RAB22A: variants seen among roughly 807,000 people sequenced by gnomAD.
The protein encoded by RAB22A is RAB22A, member RAS oncogene family.
A neutral mutation model predicts 30.2 loss-of-function variants in RAB22A; 13 were observed. That is an observed-to-expected ratio of 0.43 (90% CI 0.28 to 0.68). The LOEUF (loss-of-function observed/expected upper bound fraction) is 0.68, where lower values mean the gene tolerates loss of function less well. RAB22A is among the 30% of genes least tolerant of loss of function. The probability of loss-of-function intolerance (pLI) is 0.18; values close to 1 mark genes in which losing one functional copy is unlikely to be tolerated. For missense variants in RAB22A, 177 were observed against 246.8 expected (o/e 0.72, Z 1.89); for synonymous variants, 89 against 87.2 (o/e 1.02, Z -0.11).
intron 2 of RAB22A, among the ~76,000 whole-genome samples, chr20:58,320,031 A>G (rs1033378938): frequency 6.6e-6 from 1 of 152,176 alleles, no homozygotes; most frequent in Non-Finnish European, 1.5e-5. Flanking sequence ...TTGATTTACT[A>G]AAATTTTTTC....
At chr20:58,319,319 A>G (rs1168931142) in intron 2 of RAB22A, among the ~76,000 whole-genome samples, 2 of 152,208 alleles carry the variant, frequency 1.3e-5, no homozygotes, top group Non-Finnish European at 2.9e-5. Flanking sequence ...TTTTTGTTGA[A>G]TTCAGCATTT....
chr20:58,354,359 T>C, intron 6 of RAB22A, 94 bp downstream of exon 6: 2 of 805,718 alleles, frequency 2.5e-6, no homozygotes, highest in Non-Finnish European at 1.9e-6. Context: ...CTTAGAGCAG[T>C]CTAGTCTCTG....
At chr20:58,311,910 C>T (rs1986233327) in intron 2 of RAB22A, among the ~76,000 whole-genome samples, 1 of 152,174 alleles carries the variant, frequency 6.6e-6, no homozygotes, top group African/African-American at 2.4e-5. Context: ...GAGAAACTGC[C>T]ATAAGATTGT....
intron 2 of RAB22A, among the ~76,000 whole-genome samples, chr20:58,338,108 C>G (rs2085152668): frequency 6.6e-6 from 1 of 151,890 alleles, no homozygotes; most frequent in Admixed American, 6.6e-5. Flanking sequence ...CTCACTGCAT[C>G]CTCCATCTCC....
intron 3 of RAB22A, among the ~76,000 whole-genome samples, chr20:58,352,842 G>A (rs1342703230): frequency 1.3e-5 from 2 of 152,222 alleles, no homozygotes; most frequent in East Asian, 3.8e-4. Flanking sequence ...GACAATCAGT[G>A]TTCAGATTAC....
chr20:58,318,357 A>G (rs926526299), intron 2 of RAB22A, among the ~76,000 whole-genome samples: 1 of 152,154 alleles, frequency 6.6e-6, no homozygotes, highest in South Asian at 2.1e-4. Flanking sequence ...TTTTTTCTCC[A>G]AATTTTTTCG....
intron 2 of RAB22A, among the ~76,000 whole-genome samples, chr20:58,324,865 CAAAAAAAA>C (rs35375006): frequency 3.4e-5 from 1 of 29,758 alleles, no homozygotes; most frequent in Non-Finnish European, 5.9e-5. Flanking sequence ...GACTCCGTCT[CAAAAAAAA>C]AAAAAAAAAA....
intron 2 of RAB22A, among the ~76,000 whole-genome samples, chr20:58,334,340 A>AC (rs1986709705): frequency 6.6e-6 from 1 of 152,038 alleles, no homozygotes; most frequent in South Asian, 2.1e-4. Flanking sequence ...CATCTCAAAA[A>AC]AAAAAAAAAT....
In RAB22A at chr20:58,354,174, T is replaced by C. The variant is rs1052133042; in HGVS notation, c.396T>C (p.Asp132=). Residue 132 remains aspartate (D), a synonymous_variant, in exon 6 of 7, where the codon GAT becomes GAC. Transcript: ENST00000244040. ...LIDVREVMER[D]AKDYADSIHA... ...CTTCCAGAGAAGTCATGGAGAGAGA[T>C]GCAAAGGACTACGCCGACTCTATTC... 3 of 1,613,282 alleles carry C rather than the reference T, an allele frequency of 1.9e-6. No homozygotes were observed.
At chr20:58,354,621 G>A (rs936447963) in intron 6 of RAB22A, among the ~76,000 whole-genome samples, 3 of 152,114 alleles carry the variant, frequency 2.0e-5, no homozygotes, top group Admixed American at 6.5e-5. Context: ...ATACTTGCAC[G>A]GTAAGAAAAC....
chr20:58,313,184 C>T (rs1220237733), intron 2 of RAB22A, among the ~76,000 whole-genome samples: 5 of 152,196 alleles, frequency 3.3e-5, no homozygotes, highest in Non-Finnish European at 5.9e-5. Flanking sequence ...CCACTGTTCC[C>T]TTTTTGCCAG....
At chr20:58,327,901 TAA>T (rs1223495323) in intron 2 of RAB22A, among the ~76,000 whole-genome samples, 3 of 152,268 alleles carry the variant, frequency 2.0e-5, no homozygotes, top group East Asian at 3.9e-4. Context: ...AAGGAAACTA[TAA>T]AGAGTCATAA....
intron 2 of RAB22A, among the ~76,000 whole-genome samples, chr20:58,318,384 G>A (rs1568864323): frequency 6.6e-6 from 1 of 152,076 alleles, no homozygotes; most frequent in Non-Finnish European, 1.5e-5. Context: ...GCATGCACAG[G>A]TTGAGTATCC....
At chr20:58,310,583 T>C (rs1986204949) in intron 1 of RAB22A, among the ~76,000 whole-genome samples, 1 of 152,146 alleles carries the variant, frequency 6.6e-6, no homozygotes, top group African/African-American at 2.4e-5. Flanking sequence ...AAAGACAAGG[T>C]GTTGGCCATT....
intron 1 of RAB22A, 138 bp from the exon 2 acceptor site, chr20:58,310,905 G>A (rs1415881062): frequency 7.7e-5 from 54 of 701,216 alleles, no homozygotes; most frequent in South Asian, 7.6e-4. Context: ...TATGACAACC[G>A]CTTTTGTGTT....
intron 2 of RAB22A, among the ~76,000 whole-genome samples, chr20:58,332,386 A>G (rs531133): frequency 0.47 from 71,145 of 151,936 alleles, 17,110 homozygotes; most frequent in South Asian, 0.65. Context: ...AACTCTTCAC[A>G]GGAATTTCTA....
At chr20:58,359,045 G>T (rs1207986014) in intron 6 of RAB22A, among the ~76,000 whole-genome samples, 3 of 152,312 alleles carry the variant, frequency 2.0e-5, no homozygotes, top group South Asian at 4.1e-4. Flanking sequence ...AGGGGAGATG[G>T]GTAGGGATAT....
At chr20:58,342,559 G>A (rs866298437) in intron 2 of RAB22A, among the ~76,000 whole-genome samples, 7 of 150,964 alleles carry the variant, frequency 4.6e-5, no homozygotes, top group Non-Finnish European at 8.8e-5. Context: ...CAAGGCCTCA[G>A]CATATCTGAA....
At chr20:58,331,299 T>A (rs1053873224) in intron 2 of RAB22A, among the ~76,000 whole-genome samples, 5 of 152,032 alleles carry the variant, frequency 3.3e-5, no homozygotes, top group Non-Finnish European at 5.9e-5. Flanking sequence ...CACACAGTGT[T>A]TTTTTTAATC....
Sources: allele counts gnomAD v4.1 joint callset (sites outside exome capture counted in the v4.1 genomes callset), GRCh38; gene constraint gnomAD v4.1.1; transcripts MANE v1.5; gene names NCBI Gene and HGNC (gene_info 2026-07-23, HGNC 2026-07-21).